EML4: variants seen among roughly 807,000 people sequenced by gnomAD.
EML4 encodes EMAP like 4, also known as echinoderm microtubule-associated protein-like 4.
In EML4, 72 loss-of-function variants were observed where a neutral mutation model predicts 129.0. The observed-to-expected ratio is 0.56, with a 90% CI of 0.46 to 0.68. The LOEUF (loss-of-function observed/expected upper bound fraction) is 0.68, where lower values mean the gene tolerates loss of function less well. Among genes scored for constraint, EML4 ranks in the 30% least tolerant of loss-of-function variants. The pLI is 0.00. For missense variants in EML4, 1,363 were observed against 1,190.6 expected (o/e 1.14, Z -2.13); for synonymous variants, 532 against 405.0 (o/e 1.31, Z -3.77).
intron 1 of EML4, among the ~76,000 whole-genome samples, chr2:42,200,655 C>T (rs1298684294): frequency 6.6e-6 from 1 of 152,182 alleles, no homozygotes; most frequent in Non-Finnish European, 1.5e-5. Context: ...TTTGTAGAGA[C>T]AGTAATCCTC....
Position 42,169,395 on chromosome 2 carries a change from G to A in EML4, c.-217G>A. 1 of 363,334 alleles carries A rather than the reference G, an allele frequency of 2.8e-6. No individual in the cohort carries two copies. The highest frequency in any genetic ancestry group is 2.1e-5 in the African/African-American group (1 of 47,038). 22.5% of individuals were successfully genotyped at this position (363,334 alleles called of 1,614,324 possible). ...TGCCTGGGAGGGAGGCCGGGCAGGC[G>A]GCTGAGCGGCGCGGCTCTCAACGTG... On this transcript the variant is annotated 5_prime_UTR_variant, in exon 1 of 23. Transcript: ENST00000318522.
At chr2:42,292,883 G>T (rs760175983) in intron 11 of EML4, among the ~76,000 whole-genome samples, 1 of 152,018 alleles carries the variant, frequency 6.6e-6, no homozygotes, top group Non-Finnish European at 1.5e-5. Context: ...TAGCATGATG[G>T]GTATGCTGGG....
At chr2:42,184,976 A>G (rs532085933) in intron 1 of EML4, among the ~76,000 whole-genome samples, 1 of 152,324 alleles carries the variant, frequency 6.6e-6, no homozygotes, top group African/African-American at 2.4e-5. Flanking sequence ...GGATCAGTGG[A>G]TTGATAAAAT....
intron 1 of EML4, among the ~76,000 whole-genome samples, chr2:42,191,678 C>T (rs777707577): frequency 8.5e-5 from 13 of 152,176 alleles, no homozygotes; most frequent in African/African-American, 1.2e-4. Context: ...TAATTTTATG[C>T]TCTTTTCATT....
Position 42,331,764 on chromosome 2 carries a change from TACA to T in EML4, c.*1561_*1563del, listed in dbSNP as rs958785389. On this transcript the variant is annotated 3_prime_UTR_variant, in exon 23 of 23. Coordinates refer to ENST00000318522, the MANE Select transcript of EML4 (RefSeq NM_019063.5). ...ACTCCAGTGAACTCCCAAGGACATTTACAACATTTATATTCACACGCTGTATGG... is the reference window on the plus strand; with the variant it reads ...ACTCCAGTGAACTCCCAAGGACATTTACATTTATATTCACACGCTGTATGG... 1.2e-4 allele frequency: 27 copies of T among 221,626 alleles called. No individual in the cohort carries two copies. The highest frequency in any genetic ancestry group is 2.0e-4 in the Non-Finnish European group (22 of 110,470). The allele number at this position is 221,626 out of a possible 1,614,324, so 13.7% of individuals were successfully genotyped here.
At chr2:42,242,701 T>TCATTTCTTTC (rs1675116443) in intron 1 of EML4, among the ~76,000 whole-genome samples, 2 of 151,832 alleles carry the variant, frequency 1.3e-5, no homozygotes, top group African/African-American at 2.4e-5. Flanking sequence ...TTTTCTCTTT[T>TCATTTCTTTC]CTTTTCTTTC....
chr2:42,330,229 C>CT lies in EML4; in HGVS notation c.*26dup. 6.3e-7 allele frequency: 1 copy of CT among 1,598,494 alleles called. No individual in the cohort carries two copies. Among genetic ancestry groups the CT allele is most frequent in the Non-Finnish European group, 8.6e-7 (1 of 1,166,910 alleles). ...CTAACACCCTGGCTTCAGTGCAACT[C>CT]TTTTCCTTCAGCTGCATGTGATTTT... On this transcript the variant is annotated 3_prime_UTR_variant, in exon 23 of 23. Coordinates refer to ENST00000318522, the MANE Select transcript of EML4 (RefSeq NM_019063.5).
intron 11 of EML4, among the ~76,000 whole-genome samples, chr2:42,292,642 T>C (rs924614095): frequency 6.6e-6 from 1 of 152,190 alleles, no homozygotes; most frequent in Non-Finnish European, 1.5e-5. Context: ...ATCTAGGGTA[T>C]TTATGGAAGG....
intron 1 of EML4, among the ~76,000 whole-genome samples, chr2:42,194,457 G>A (rs199617379): frequency 0.024 from 3,516 of 147,390 alleles, 141 homozygotes; most frequent in African/African-American, 0.083. Flanking sequence ...ATTGTGGCTT[G>A]CCTGGTTACT....
chr2:42,186,139 A>C (rs970883884), intron 1 of EML4, among the ~76,000 whole-genome samples: 1 of 152,160 alleles, frequency 6.6e-6, no homozygotes, highest in Non-Finnish European at 1.5e-5. Flanking sequence ...CCTGGGAATA[A>C]TGCTGCCTAC....
chr2:42,204,055 G>A (rs571494946), intron 1 of EML4, among the ~76,000 whole-genome samples: 1 of 152,044 alleles, frequency 6.6e-6, no homozygotes, highest in South Asian at 2.1e-4. Flanking sequence ...GAATAGCTAG[G>A]ACTACAGCCA....
intron 1 of EML4, among the ~76,000 whole-genome samples, chr2:42,228,919 G>C (rs1003942779): frequency 1.3e-5 from 2 of 152,100 alleles, no homozygotes; most frequent in Non-Finnish European, 2.9e-5. Flanking sequence ...ATATATCTTT[G>C]TGTTGTTTTC....
chr2:42,295,290 G>T (rs777829447), intron 12 of EML4, 31 bp downstream of exon 12: 4 of 1,605,376 alleles, frequency 2.5e-6, no homozygotes, highest in East Asian at 4.5e-5. Context: ...ATGTCATTAG[G>T]TGTATAAGAC....
chr2:42,281,061 A>T (rs1299591239), intron 7 of EML4, 88 bp downstream of exon 7: 2 of 1,124,622 alleles, frequency 1.8e-6, no homozygotes, highest in Non-Finnish European at 2.5e-6. Flanking sequence ...AATTGTCTTT[A>T]TACAAAAAAA....
chr2:42,288,457 T>C (rs991130281), intron 11 of EML4, 135 bp downstream of exon 11: 2 of 465,818 alleles, frequency 4.3e-6, no homozygotes, highest in African/African-American at 2.0e-5. Flanking sequence ...TCAGCAAATT[T>C]AGTGATTTGT....
intron 1 of EML4, among the ~76,000 whole-genome samples, chr2:42,176,736 A>G (rs1426901266): frequency 6.6e-6 from 1 of 152,220 alleles, no homozygotes; most frequent in Non-Finnish European, 1.5e-5. Flanking sequence ...GAAAGTAATT[A>G]TTACAGATCT....
chr2:42,196,853 C>T (rs1425160031), intron 1 of EML4, among the ~76,000 whole-genome samples: 2 of 152,122 alleles, frequency 1.3e-5, no homozygotes, highest in Non-Finnish European at 2.9e-5. Flanking sequence ...AGTAACCACC[C>T]TGCCTCCACC....
At chr2:42,293,712 A>G (rs1329638403) in intron 11 of EML4, among the ~76,000 whole-genome samples, 1 of 152,098 alleles carries the variant, frequency 6.6e-6, no homozygotes, top group Non-Finnish European at 1.5e-5. Context: ...CCCGGGTTCA[A>G]GCAATTCTCT....
At chr2:42,178,551 A>G (rs1670750147) in intron 1 of EML4, among the ~76,000 whole-genome samples, 1 of 152,184 alleles carries the variant, frequency 6.6e-6, no homozygotes, top group South Asian at 2.1e-4. Context: ...CCCTGTCTCA[A>G]ATAAGAAAGA....
Sources: allele counts gnomAD v4.1 joint callset (sites outside exome capture counted in the v4.1 genomes callset), GRCh38; gene constraint gnomAD v4.1.1; transcripts MANE v1.5; gene names NCBI Gene and HGNC (gene_info 2026-07-23, HGNC 2026-07-21).